SPMIP1: variants seen among roughly 807,000 people sequenced by gnomAD.
SPMIP1 encodes the protein sperm microtubule inner protein 1, also known as protein SPMIP1.
the SPMIP1 span, chr7:128,868,774 G>C: frequency 2.6e-6 from 4 of 1,532,912 alleles, no homozygotes; most frequent in Non-Finnish European, 3.5e-6. Flanking sequence ...CTGGCCCTCT[G>C]ACCGTGGGCC....
the SPMIP1 span, chr7:128,866,905 A>G: frequency 7.2e-6 from 10 of 1,392,754 alleles, no homozygotes; most frequent in Non-Finnish European, 9.6e-6. Context: ...ATCCTGGTGA[A>G]GGGTCCAGAC....
chr7:128,866,731 C>G, the SPMIP1 span: 1 of 1,536,058 alleles, frequency 6.5e-7, no homozygotes, highest in South Asian at 1.2e-5. Flanking sequence ...CCACGACTTC[C>G]AGGGGCGGTA....
At chr7:128,866,570 C>T in the SPMIP1 span, 10 of 1,535,800 alleles carry the variant, frequency 6.5e-6, no homozygotes, top group South Asian at 1.2e-5. Flanking sequence ...CTCAAACTGC[C>T]CACCCTGCAC....
the SPMIP1 span, chr7:128,868,756 C>CCCGAGACCTGGCCCTCTGA: frequency 6.5e-7 from 1 of 1,535,102 alleles, no homozygotes; most frequent in Non-Finnish European, 8.7e-7. Flanking sequence ...CTGCTTGATC[C>CCCGAGACCTGGCCCTCTGA]CCGAGACCTG....
At chr7:128,868,911 A>T in the SPMIP1 span, 46,117 of 591,360 alleles carry the variant, frequency 0.078, 3,839 homozygotes, top group East Asian at 0.29. Context: ...TGAAACTATC[A>T]GACCTGCAAG....
the SPMIP1 span, among the ~76,000 whole-genome samples, chr7:128,868,353 A>C: frequency 2.0e-5 from 3 of 152,106 alleles, no homozygotes; most frequent in African/African-American, 7.2e-5. Context: ...AGAAGCGGGG[A>C]GCAGGAGGCC....
chr7:128,871,720 C>A, the SPMIP1 span: 2 of 152,154 alleles, frequency 1.3e-5, no homozygotes, highest in African/African-American at 2.4e-5. Flanking sequence ...TAACAGTAAC[C>A]AAATGGGTGC....
chr7:128,867,042 G>A, the SPMIP1 span, among the ~76,000 whole-genome samples: 2 of 152,220 alleles, frequency 1.3e-5, no homozygotes, highest in African/African-American at 2.4e-5. Flanking sequence ...GCCTTTCTGA[G>A]GACCCGAGGC....
At chr7:128,868,828 G>C in the SPMIP1 span, 2 of 1,278,822 alleles carry the variant, frequency 1.6e-6, no homozygotes, top group African/African-American at 3.0e-5. Context: ...CAGGCCTCCT[G>C]GTGGGGCAAA....
the SPMIP1 span, among the ~76,000 whole-genome samples, chr7:128,867,238 G>T: frequency 2.0e-3 from 306 of 152,300 alleles, 1 homozygote; most frequent in Admixed American, 5.1e-3. Flanking sequence ...GCATCTGTTT[G>T]GTTATCCTGT....
At chr7:128,866,915 CTA>C in the SPMIP1 span, 1 of 1,322,322 alleles carries the variant, frequency 7.6e-7, no homozygotes, top group Non-Finnish European at 1.0e-6. Context: ...AGGGTCCAGA[CTA>C]TAAACAGAGC....
chr7:128,868,973 G>C, the SPMIP1 span: 1 of 530,080 alleles, frequency 1.9e-6, no homozygotes, highest in African/African-American at 1.9e-5. Flanking sequence ...TCCCTTTGAG[G>C]ACTCAGCAAT....
chr7:128,869,056 GT>G, the SPMIP1 span: 1 of 411,306 alleles, frequency 2.4e-6, no homozygotes, highest in Non-Finnish European at 4.3e-6. Context: ...GAACACAGTA[GT>G]TCCAGGAAGT....
the SPMIP1 span, among the ~76,000 whole-genome samples, chr7:128,867,634 C>T: frequency 1.4e-4 from 21 of 151,960 alleles, no homozygotes; most frequent in African/African-American, 3.9e-4. Context: ...TGCAGTGGCA[C>T]GATCTTGGCT....
the SPMIP1 span, among the ~76,000 whole-genome samples, chr7:128,868,125 C>T: frequency 8.5e-5 from 13 of 152,164 alleles, no homozygotes; most frequent in African/African-American, 2.4e-4. Context: ...GGCTGCTGGG[C>T]GATGTTGCTG....
At chr7:128,868,421 C>T in the SPMIP1 span, among the ~76,000 whole-genome samples, 1 of 152,214 alleles carries the variant, frequency 6.6e-6, no homozygotes, top group African/African-American at 2.4e-5. Flanking sequence ...AGGGTGGCCC[C>T]CCTCCCTGCA....
chr7:128,866,580 C>T, the SPMIP1 span: 4 of 1,534,400 alleles, frequency 2.6e-6, no homozygotes, highest in African/African-American at 1.4e-5. Context: ...CCACCCTGCA[C>T]CCCAAAGCCC....
chr7:128,870,104 T>A, the SPMIP1 span: 1 of 152,244 alleles, frequency 6.6e-6, no homozygotes. Flanking sequence ...CCTTTGTGGC[T>A]CGCCTTTGAT....
the SPMIP1 span, chr7:128,866,598 A>ACCC: frequency 1.4e-6 from 2 of 1,431,910 alleles, no homozygotes; most frequent in Admixed American, 2.4e-5. Flanking sequence ...CCCCACTCTC[A>ACCC]CCCCCACCCG....
Sources: allele counts gnomAD v4.1 joint callset (sites outside exome capture counted in the v4.1 genomes callset), GRCh38; gene constraint gnomAD v4.1.1; transcripts MANE v1.5; gene names NCBI Gene and HGNC (gene_info 2026-07-23, HGNC 2026-07-21).